The following ARPC5 variants were observed in gnomAD, a reference collection of about 807,000 sequenced individuals.
ARPC5 encodes actin-related protein 2/3 complex subunit 5.
A neutral mutation model predicts 15.4 loss-of-function variants in ARPC5; 5 were observed. That is an observed-to-expected ratio of 0.32 (90% CI 0.17 to 0.68). The LOEUF (loss-of-function observed/expected upper bound fraction) is 0.68, where lower values mean the gene tolerates loss of function less well. ARPC5 is among the 30% of genes least tolerant of loss of function. The probability of loss-of-function intolerance (pLI) is 0.71; values close to 1 mark genes in which losing one functional copy is unlikely to be tolerated. For synonymous variants in ARPC5, 85 were observed against 72.2 expected (o/e 1.18, Z -0.90); for missense variants, 138 against 192.8 (o/e 0.72, Z 1.68).
In ARPC5 at chr1:183,622,560, T is replaced by C. The variant is rs973307694; in HGVS notation, c.*4972A>G. 1.3e-5 allele frequency: 2 copies of C among 152,244 alleles called. No homozygotes were observed. Among genetic ancestry groups the C allele is most frequent in the African/African-American group, 2.4e-5 (1 of 41,462 alleles). The allele number at this position is 152,244 out of a possible 1,614,324, so 9.4% of individuals were successfully genotyped here. On this transcript the variant is annotated 3_prime_UTR_variant, in exon 4 of 4. Transcript: ENST00000359856. Reference sequence around the variant, plus strand: ...ATATAAATTCATGGATATAATTTAATGGTTATCTTTAAGGAAAACAAGGGG... The same window carrying C: ...ATATAAATTCATGGATATAATTTAACGGTTATCTTTAAGGAAAACAAGGGG...
rs1025980418 is a variant in ARPC5 at position 183,635,759 on chromosome 1, C to G, written c.-100G>C. ...TACCCGGCGCCTGATTCACTTCCCT[C>G]TTCCGCTCTGAGGCGTCGCCGACTG... On this transcript the variant is annotated 5_prime_UTR_variant, in exon 1 of 4. Coordinates refer to ENST00000359856, the MANE Select transcript of ARPC5 (RefSeq NM_005717.4). The G allele has an allele frequency of 1.6e-5, 24 of 1,498,930 alleles. No homozygotes were observed. Among genetic ancestry groups the G allele is most frequent in the Non-Finnish European group, 1.9e-5 (21 of 1,112,628 alleles). 92.9% of individuals were successfully genotyped at this position (1,498,930 alleles called of 1,614,324 possible).
At chr1:183,634,162 G>T (rs1649350005) in intron 1 of ARPC5, among the ~76,000 whole-genome samples, 2 of 152,264 alleles carry the variant, frequency 1.3e-5, no homozygotes, top group African/African-American at 4.8e-5. Flanking sequence ...ATTTTCTAAA[G>T]AAAAAGTTCT....
chr1:183,633,700 A>C (rs947849048), intron 1 of ARPC5: 1 of 152,244 alleles, frequency 6.6e-6, no homozygotes, highest in African/African-American at 2.4e-5. Context: ...CAGAAGATGT[A>C]ATAATTCATA....
At chr1:183,632,350 C>T (rs1347487685) in intron 2 of ARPC5, 1 of 151,902 alleles carries the variant, frequency 6.6e-6, no homozygotes, top group Non-Finnish European at 1.5e-5. Context: ...ATTCTTTGAT[C>T]CAGTAATTCA....
chr1:183,635,603 A>G lies in ARPC5; in HGVS notation c.57T>C (p.Tyr19=), dbSNP rs1649466921. The change falls in exon 1 of 4, where the codon TAT becomes TAC. Residue 19 remains tyrosine, a synonymous_variant. Transcript: ENST00000359856. ...CTTCGTCCACGAACTTGTTCTCGTC[A>G]TATTCATCCACGTCCACCTTCCGGA... ...ARFRKVDVDE[Y]DENKFVDEED... is the part of the protein sequence containing the mutation. 6.2e-7 allele frequency: 1 copy of G among 1,613,614 alleles called. No individual in the cohort carries two copies. Among genetic ancestry groups the G allele is most frequent in the Non-Finnish European group, 8.5e-7 (1 of 1,179,820 alleles).
chr1:183,627,274 T>A lies in ARPC5; in HGVS notation c.*258A>T. The A allele has an allele frequency of 4.2e-6, 2 of 481,130 alleles. No individual in the cohort carries two copies. Among genetic ancestry groups the A allele is most frequent in the South Asian group, 5.3e-5 (2 of 37,460 alleles). The allele number at this position is 481,130 out of a possible 1,614,324, so 29.8% of individuals were successfully genotyped here. A position where few individuals can be genotyped will look rare whatever the true frequency, so the allele number is the denominator to read the frequency against. On this transcript the variant is annotated 3_prime_UTR_variant, in exon 4 of 4. Coordinates refer to ENST00000359856, the MANE Select transcript of ARPC5 (RefSeq NM_005717.4). ...AAACTTGAATGTAAATTATACTATA[T>A]ACAGATTGGTATAAACATCACTGAA...
At chr1:183,634,662 A>C (rs1649383816) in intron 1 of ARPC5, among the ~76,000 whole-genome samples, 1 of 152,246 alleles carries the variant, frequency 6.6e-6, no homozygotes, top group African/African-American at 2.4e-5. Context: ...AATGGAAACA[A>C]TTTTAGGATT....
chr1:183,631,848 C>G (rs1411136593), intron 2 of ARPC5: 2 of 152,176 alleles, frequency 1.3e-5, no homozygotes, highest in Non-Finnish European at 2.9e-5. Context: ...TCCGGCCAAG[C>G]AAAGGAAACA....
chr1:183,635,438 A>C lies in ARPC5; in HGVS notation c.143+79T>G, dbSNP rs1263432292. 6 of 1,468,606 alleles carry C rather than the reference A, an allele frequency of 4.1e-6. No homozygotes were observed. In the Admixed American group the frequency reaches 6.9e-5, roughly 17 times the overall value. 91.0% of individuals were successfully genotyped at this position (1,468,606 alleles called of 1,614,324 possible). On this transcript the variant is annotated intron_variant, in intron 1 of 3. Coordinates refer to ENST00000359856, the MANE Select transcript of ARPC5 (RefSeq NM_005717.4). ...GCAGCTCCGCGCCGGTGCCCCGCGG[A>C]TCCTGCAGGCTCCCGGGTCCCAGGA... is the stretch of plus-strand genomic sequence containing the variant.
Position 183,629,065 on chromosome 1 carries a change from G to A in ARPC5, c.393+1396C>T, listed in dbSNP as rs183014348. 8.2e-4 allele frequency among the ~76,000 whole-genome samples: 125 copies of A among 152,278 alleles called. 1 individual carries two copies. In the East Asian group the frequency reaches 0.021, roughly 26 times the overall value. Reference sequence around the variant, plus strand: ...AACAGATAGATTTCAGAAATACTTCGAAGATTGGTAAAAACTGGTGACTGA... The same window carrying A: ...AACAGATAGATTTCAGAAATACTTCAAAGATTGGTAAAAACTGGTGACTGA... On this transcript the variant is annotated intron_variant, in intron 3 of 3. Transcript: ENST00000359856.
At chr1:183,634,476 A>T (rs1318850537) in intron 1 of ARPC5, among the ~76,000 whole-genome samples, 3 of 152,242 alleles carry the variant, frequency 2.0e-5, no homozygotes, top group Non-Finnish European at 4.4e-5. Flanking sequence ...GAATACACCC[A>T]AGAATTAGAA....
At chr1:183,632,077 T>C (rs1288693970) in intron 2 of ARPC5, 1 of 152,134 alleles carries the variant, frequency 6.6e-6, no homozygotes, top group Non-Finnish European at 1.5e-5. Flanking sequence ...CCAAAGAAAT[T>C]TTCCCCAATA....
At chr1:183,630,373 C>A (rs944759259) in intron 3 of ARPC5, 88 bp downstream of exon 3, 6 of 1,094,312 alleles carry the variant, frequency 5.5e-6, no homozygotes, top group African/African-American at 1.6e-5. Flanking sequence ...TACAACAAAT[C>A]AAAATGGTTA....
chr1:183,628,414 A>C (rs1177248185), intron 3 of ARPC5, among the ~76,000 whole-genome samples: 2 of 152,172 alleles, frequency 1.3e-5, no homozygotes, highest in African/African-American at 2.4e-5. Flanking sequence ...AATTTGAAAA[A>C]TAGAGAGTAA....
In ARPC5 at chr1:183,625,954, G is replaced by A. The variant is rs1345577799; in HGVS notation, c.*1578C>T. On this transcript the variant is annotated 3_prime_UTR_variant, in exon 4 of 4. Transcript: ENST00000359856. ...TTGCACTTTCTAGTCTAGGTCTTTG[G>A]GCAGTGATACTACATATAGGTATTC... 1 of 152,086 alleles carries A rather than the reference G, an allele frequency of 6.6e-6. No homozygotes were observed. Among genetic ancestry groups the A allele is most frequent in the African/African-American group, 2.4e-5 (1 of 41,390 alleles). The allele number at this position is 152,086 out of a possible 1,614,324, so 9.4% of individuals were successfully genotyped here.
rs186805641 is a variant in ARPC5, at chr1:183,628,033, C to T, written c.394-439G>A. 9.3e-3 allele frequency among the ~76,000 whole-genome samples: 1,409 copies of T among 151,834 alleles called. 25 individuals carry two copies. Among genetic ancestry groups the T allele is most frequent in the African/African-American group, 0.029 (1,192 of 41,424 alleles). On this transcript the variant is annotated intron_variant, in intron 3 of 3. Coordinates refer to ENST00000359856, the MANE Select transcript of ARPC5 (RefSeq NM_005717.4). ...CTAAAAATACAAAAAATTAGCCGGGCGTGGTGGCGGGTGCCTGTAGTCCCA... is the reference window on the plus strand; with the variant it reads ...CTAAAAATACAAAAAATTAGCCGGGTGTGGTGGCGGGTGCCTGTAGTCCCA...
At chr1:183,628,121 C>A (rs565681528) in intron 3 of ARPC5, among the ~76,000 whole-genome samples, 1 of 132,308 alleles carries the variant, frequency 7.6e-6, no homozygotes, top group Non-Finnish European at 1.6e-5. Context: ...TGCAGTGAGC[C>A]GAGATTGCGC....
In ARPC5 at chr1:183,623,361, T is replaced by A. The variant is rs151133368; in HGVS notation, c.*4171A>T. On this transcript the variant is annotated 3_prime_UTR_variant, in exon 4 of 4. Transcript: ENST00000359856. ...AGTGAATGCTGTGTCCCATGTTGCT[T>A]GTGGTTGGATCATCAATGTGGTGAA... The A allele has an allele frequency of 2.2e-5, 33 of 1,478,988 alleles. No individual in the cohort carries two copies. In the African/African-American group the frequency reaches 3.8e-4, roughly 17 times the overall value. 91.6% of individuals were successfully genotyped at this position (1,478,988 alleles called of 1,614,324 possible). A position where few individuals can be genotyped will look rare whatever the true frequency, so the allele number is the denominator to read the frequency against.
chr1:183,629,064 C>T (rs78842760), intron 3 of ARPC5, among the ~76,000 whole-genome samples: 1,927 of 152,194 alleles, frequency 0.013, 44 homozygotes, highest in African/African-American at 0.044. Context: ...AGAAATACTT[C>T]GAAGATTGGT....
Sources: allele counts gnomAD v4.1 joint callset (sites outside exome capture counted in the v4.1 genomes callset), GRCh38; gene constraint gnomAD v4.1.1; transcripts MANE v1.5; gene names NCBI Gene and HGNC (gene_info 2026-07-23, HGNC 2026-07-21).